The following C2CD3 variants were observed in gnomAD, a reference collection of about 807,000 sequenced individuals.
C2CD3 encodes the protein C2 domain containing 3 centriole elongation regulator.
Under a neutral mutation model 234.0 loss-of-function variants are expected in C2CD3, and 148 were observed. The ratio of observed to expected loss-of-function variants is 0.63; its 90% confidence interval spans 0.55 to 0.72. C2CD3 has a LOEUF of 0.72. Among genes scored for constraint, C2CD3 ranks in the 30% least tolerant of loss-of-function variants. The pLI is 0.00. For missense variants in C2CD3, 2,577 were observed against 2,811.5 expected, an observed-to-expected ratio of 0.92 and a Z score of 1.89; for synonymous variants, 1,000 against 1,035.4, an observed-to-expected ratio of 0.97 and a Z score of 0.66.
chr11:74,072,543 C>A (rs1954846927), intron 24 of C2CD3, among the ~76,000 whole-genome samples: 1 of 152,302 alleles, frequency 6.6e-6, no homozygotes, highest in East Asian at 1.9e-4. Context: ...AGACACCACA[C>A]ATCTGAACAT....
chr11:74,053,170 A>G (rs1291738816), intron 26 of C2CD3, among the ~76,000 whole-genome samples: 1 of 152,262 alleles, frequency 6.6e-6, no homozygotes, highest in Non-Finnish European at 1.5e-5. Context: ...ACCTTAGTCA[A>G]GCCACTAAAT....
chr11:74,073,555 G>A, intron 24 of C2CD3, among the ~76,000 whole-genome samples: 1 of 146,726 alleles, frequency 6.8e-6, no homozygotes, highest in Non-Finnish European at 1.5e-5. Flanking sequence ...CCACTGCACT[G>A]CAGCCTGGGC....
At chr11:74,064,980 C>T (rs549220221) in intron 24 of C2CD3, among the ~76,000 whole-genome samples, 15 of 152,064 alleles carry the variant, frequency 9.9e-5, no homozygotes, top group African/African-American at 2.9e-4. Context: ...AAGAAAACCT[C>T]GACAATACCA....
chr11:74,163,594 A>C (rs1267588570), intron 2 of C2CD3, among the ~76,000 whole-genome samples: 1 of 152,000 alleles, frequency 6.6e-6, no homozygotes, highest in Non-Finnish European at 1.5e-5. Flanking sequence ...TTTGCTGGGC[A>C]CTCATTTTTC....
chr11:74,079,373 C>A (rs1955224349), intron 22 of C2CD3, among the ~76,000 whole-genome samples: 1 of 150,954 alleles, frequency 6.6e-6, no homozygotes, highest in African/African-American at 2.4e-5. Context: ...GGCCATTTTC[C>A]AAAAAAAGGT....
At position 74,092,507 on chromosome 11, in the gene C2CD3, G is replaced by T; in HGVS notation, c.3426C>A (p.Thr1142=). The T allele has an allele frequency of 6.2e-7, 1 of 1,613,486 alleles. No individual in the cohort carries two copies. The highest frequency in any genetic ancestry group is 8.5e-7 in the Non-Finnish European group (1 of 1,179,474). ...PLSRICAMVT[T]QHREDVGIQT... is the part of the protein sequence containing the mutation. Reference sequence around the variant, plus strand: ...GTATTCCCACATCCTCACGATGCTGGGTGGTTACCATAGCACAGATCCTTG... The same window carrying T: ...GTATTCCCACATCCTCACGATGCTGTGTGGTTACCATAGCACAGATCCTTG... Residue 1142 remains threonine, a synonymous_variant, in exon 19 of 33, where the codon ACC becomes ACA. Coordinates refer to ENST00000334126, the MANE Select transcript of C2CD3 (RefSeq NM_001286577.2).
intron 2 of C2CD3, chr11:74,167,959 C>A: frequency 5.4e-6 from 1 of 185,796 alleles, no homozygotes; most frequent in Admixed American, 5.5e-5. Context: ...CAGTTATTAC[C>A]TAAAAAAGCA....
intron 23 of C2CD3, among the ~76,000 whole-genome samples, 187 bp from the exon 24 acceptor site, chr11:74,074,787 C>T (rs1280609624): frequency 6.6e-6 from 1 of 152,196 alleles, no homozygotes; most frequent in Non-Finnish European, 1.5e-5. Context: ...CCCTAACTAT[C>T]TTCAATAATG....
rs186793543 is a variant in C2CD3 at position 74,054,001 on chromosome 11, G to A, written c.5155+606C>T. Among the ~76,000 whole-genome samples, 129 of 152,162 alleles carry A rather than the reference G, an allele frequency of 8.5e-4. No individual in the cohort carries two copies. The East Asian group carries it at 9.9e-3, about 12-fold the overall frequency. On this transcript the variant is annotated intron_variant, in intron 26 of 32. Transcript: ENST00000334126. ...AAAAAAATAATTAGCAGCCAGGCGC[G>A]GTGGCTCACGCCTGTAATCCCAGCA...
chr11:74,080,712 C>A (rs1955311517), intron 22 of C2CD3, among the ~76,000 whole-genome samples: 1 of 152,032 alleles, frequency 6.6e-6, no homozygotes, highest in African/African-American at 2.4e-5. Flanking sequence ...GATGTGATTT[C>A]CCAGATGGTG....
chr11:74,163,010 C>T (rs1422172548), intron 2 of C2CD3, among the ~76,000 whole-genome samples: 1 of 152,192 alleles, frequency 6.6e-6, no homozygotes, highest in Non-Finnish European at 1.5e-5. Context: ...AGACTAATAC[C>T]TTCATGCCCA....
At chr11:74,013,589 G>T (rs1345535321) in intron 32 of C2CD3, 64 bp from the exon 33 acceptor site, 2 of 1,031,916 alleles carry the variant, frequency 1.9e-6, no homozygotes, top group African/African-American at 1.7e-5. Context: ...GATGACGCTG[G>T]TTTCTCTCAT....
intron 24 of C2CD3, among the ~76,000 whole-genome samples, chr11:74,066,345 G>A (rs1954536875): frequency 6.7e-6 from 1 of 148,880 alleles, no homozygotes; most frequent in South Asian, 2.1e-4. Context: ...CATGGCACAT[G>A]TATACATATG....
At chr11:74,162,329 G>T (rs915317707) in intron 2 of C2CD3, among the ~76,000 whole-genome samples, 5 of 152,000 alleles carry the variant, frequency 3.3e-5, no homozygotes, top group Non-Finnish European at 5.9e-5. Flanking sequence ...GTAAATAAAA[G>T]AAATTATGCA....
At chr11:74,042,485 A>G (rs545976383) in intron 28 of C2CD3, among the ~76,000 whole-genome samples, 2 of 152,068 alleles carry the variant, frequency 1.3e-5, no homozygotes, top group Admixed American at 1.3e-4. Context: ...GGGGGTGGTG[A>G]CTCACGCCTG....
chr11:74,133,623 T>G, intron 5 of C2CD3, 66 bp from the exon 6 acceptor site: 1 of 1,555,452 alleles, frequency 6.4e-7, no homozygotes, highest in Non-Finnish European at 8.8e-7. Flanking sequence ...GAATATTCAG[T>G]GCATTTCCTT....
intron 3 of C2CD3, among the ~76,000 whole-genome samples, chr11:74,146,747 C>CACACACACACACACACACACAA (rs58129019): frequency 6.9e-6 from 1 of 144,108 alleles, no homozygotes. Context: ...CACACACACA[C>CACACACACACACACACACACAA]AATTAACATA....
intron 8 of C2CD3, among the ~76,000 whole-genome samples, chr11:74,122,269 TTCA>T (rs1206824403): frequency 6.6e-6 from 1 of 152,212 alleles, no homozygotes; most frequent in African/African-American, 2.4e-5. Flanking sequence ...CCCTTTATTC[TTCA>T]TTATGGTTTT....
chr11:74,141,749 C>T (rs1028252401), intron 3 of C2CD3, among the ~76,000 whole-genome samples: 3 of 152,080 alleles, frequency 2.0e-5, no homozygotes, highest in Non-Finnish European at 4.4e-5. Context: ...AATCCCAGCA[C>T]TTTGGGAGGC....
Sources: gnomAD v4.1 joint callset for allele counts (sites outside exome capture counted in the v4.1 genomes callset) on GRCh38, gnomAD v4.1.1 for gene constraint, MANE v1.5 for transcripts, NCBI Gene and HGNC (gene_info 2026-07-23, HGNC 2026-07-21) for gene names.